The following VPS8 variants were observed in gnomAD, a reference collection of about 807,000 sequenced individuals.
VPS8 encodes vacuolar protein sorting-associated protein 8 homolog.
In VPS8, 129 loss-of-function variants were observed where a neutral mutation model predicts 216.4. That is an observed-to-expected ratio of 0.60 (90% CI 0.52 to 0.69). The LOEUF (loss-of-function observed/expected upper bound fraction) is 0.69, where lower values mean the gene tolerates loss of function less well. Among genes scored for constraint, VPS8 ranks in the 30% least tolerant of loss-of-function variants. VPS8 has a pLI of 0.00. For missense variants in VPS8, 1,531 were observed against 1,683.5 expected (o/e 0.91, Z 1.59); for synonymous variants, 571 against 565.4 (o/e 1.01, Z -0.14).
intron 10 of VPS8, among the ~76,000 whole-genome samples, chr3:184,852,236 A>G (rs1724425089): frequency 6.6e-6 from 1 of 152,128 alleles, no homozygotes. Context: ...TTTTTAATCA[A>G]TCATAGTTTG....
chr3:184,865,815 C>G (rs147942442), intron 16 of VPS8, among the ~76,000 whole-genome samples: 8 of 152,132 alleles, frequency 5.3e-5, no homozygotes, highest in South Asian at 4.2e-4. Flanking sequence ...TAGTGAAACC[C>G]TGTTTCTACT....
At chr3:184,859,709 T>C (rs1725917466) in intron 14 of VPS8, among the ~76,000 whole-genome samples, 2 of 152,238 alleles carry the variant, frequency 1.3e-5, no homozygotes, top group African/African-American at 4.8e-5. Flanking sequence ...AGTTAGGTTG[T>C]TCTGAATTAT....
intron 25 of VPS8, among the ~76,000 whole-genome samples, chr3:184,906,665 T>G (rs1735555183): frequency 6.6e-6 from 1 of 152,060 alleles, no homozygotes; most frequent in Non-Finnish European, 1.5e-5. Flanking sequence ...TCGTAAATGA[T>G]TATTAGGGGA....
intron 46 of VPS8, among the ~76,000 whole-genome samples, chr3:185,043,366 A>G (rs1712124980): frequency 1.3e-5 from 2 of 152,252 alleles, no homozygotes; most frequent in South Asian, 4.1e-4. Flanking sequence ...CTAATGGACA[A>G]CAGGAAATGA....
intron 36 of VPS8, among the ~76,000 whole-genome samples, chr3:184,949,878 TTTGTTG>T (rs71162269): frequency 6.6e-6 from 1 of 150,534 alleles, no homozygotes; most frequent in African/African-American, 2.4e-5. Flanking sequence ...AATAGGGGTT[TTTGTTG>T]TTGTTGTTGT....
intron 36 of VPS8, 56 bp downstream of exon 36, chr3:184,940,299 A>G: frequency 2.7e-6 from 2 of 739,466 alleles, no homozygotes; most frequent in Non-Finnish European, 3.7e-6. Flanking sequence ...TGAGAAATAA[A>G]AGGAAATAAA....
In VPS8 at chr3:184,855,886, G is replaced by A. The variant is rs1362983228; in HGVS notation, c.1143+68G>A. The A allele has an allele frequency of 5.5e-6, 7 of 1,268,044 alleles. No individual in the cohort carries two copies. In the Admixed American group the frequency reaches 8.7e-5, roughly 16 times the overall value. The allele number at this position is 1,268,044 out of a possible 1,614,324, so 78.5% of individuals were successfully genotyped here. A position where few individuals can be genotyped will look rare whatever the true frequency, so the allele number is the denominator to read the frequency against. On this transcript the variant is annotated intron_variant, in intron 14 of 47. Coordinates refer to ENST00000625842, the MANE Select transcript of VPS8 (RefSeq NM_001009921.3). ...TTTATTCATCAGCAATTAATAATGTGTCAGAGAAATTTGTGTTACTATCCT... is the reference window on the plus strand; with the variant it reads ...TTTATTCATCAGCAATTAATAATGTATCAGAGAAATTTGTGTTACTATCCT...
intron 45 of VPS8, among the ~76,000 whole-genome samples, chr3:185,010,388 C>T (rs1754846507): frequency 1.3e-5 from 2 of 151,920 alleles, no homozygotes; most frequent in Admixed American, 1.3e-4. Context: ...AAATACAAGC[C>T]ATGATAATGA....
chr3:184,909,638 A>G (rs1441696922), intron 25 of VPS8, among the ~76,000 whole-genome samples: 2 of 152,112 alleles, frequency 1.3e-5, no homozygotes, highest in East Asian at 3.9e-4. Context: ...GCAACTCTTC[A>G]TTTATCTGTT....
intron 32 of VPS8, 38 bp from the exon 33 acceptor site, chr3:184,929,542 C>G: frequency 8.0e-7 from 1 of 1,245,176 alleles, no homozygotes; most frequent in Non-Finnish European, 1.1e-6. Context: ...AAAAACCTCC[C>G]TGTTTGGTAC....
chr3:185,028,134 C>G (rs1049885160), intron 46 of VPS8, among the ~76,000 whole-genome samples: 1 of 152,108 alleles, frequency 6.6e-6, no homozygotes, highest in African/African-American at 2.4e-5. Context: ...TAGCTGGACT[C>G]TCCTGAAATA....
chr3:184,854,296 C>A, intron 13 of VPS8, 123 bp downstream of exon 13: 3 of 1,087,150 alleles, frequency 2.8e-6, no homozygotes, highest in Non-Finnish European at 4.1e-6. Context: ...AAAGTCAGTG[C>A]TCCAGAGATC....
intron 45 of VPS8, among the ~76,000 whole-genome samples, chr3:185,014,328 C>G (rs1488618818): frequency 1.3e-5 from 2 of 152,070 alleles, no homozygotes; most frequent in Non-Finnish European, 2.9e-5. Context: ...CAGTTGGGGT[C>G]CTCCTCAGCA....
At chr3:184,863,431 A>T (rs1726745123) in intron 16 of VPS8, among the ~76,000 whole-genome samples, 1 of 152,220 alleles carries the variant, frequency 6.6e-6, no homozygotes, top group Non-Finnish European at 1.5e-5. Flanking sequence ...GATTTAAGGG[A>T]TAAATAACTA....
intron 34 of VPS8, among the ~76,000 whole-genome samples, chr3:184,934,481 TTA>T (rs1282605103): frequency 2.6e-5 from 4 of 152,206 alleles, no homozygotes; most frequent in African/African-American, 9.6e-5. Context: ...CCATCCTTTG[TTA>T]TACTTACTGT....
At chr3:184,940,081 T>C in intron 35 of VPS8, 116 bp from the exon 36 acceptor site, 1 of 368,426 alleles carries the variant, frequency 2.7e-6, no homozygotes, top group Non-Finnish European at 4.8e-6. Flanking sequence ...GAGGGCTTTG[T>C]GGAAATACTC....
At chr3:184,942,469 C>G (rs1393107448) in intron 36 of VPS8, among the ~76,000 whole-genome samples, 2 of 152,160 alleles carry the variant, frequency 1.3e-5, no homozygotes, top group Non-Finnish European at 2.9e-5. Flanking sequence ...CCTTCCTCTC[C>G]CCTTCCCCAA....
chr3:185,027,000 C>T (rs1379886746), intron 46 of VPS8, among the ~76,000 whole-genome samples: 2 of 151,970 alleles, frequency 1.3e-5, no homozygotes, highest in African/African-American at 2.4e-5. Flanking sequence ...TGAGCCACCA[C>T]GCCCAGCCAG....
chr3:185,041,495 C>T (rs367600552), intron 46 of VPS8, among the ~76,000 whole-genome samples: 21 of 152,244 alleles, frequency 1.4e-4, no homozygotes, highest in African/African-American at 4.6e-4. Context: ...AGTTGCCTCA[C>T]GGCTACCGTC....
Sources: allele counts gnomAD v4.1 joint callset (sites outside exome capture counted in the v4.1 genomes callset), GRCh38; gene constraint gnomAD v4.1.1; transcripts MANE v1.5; gene names NCBI Gene and HGNC (gene_info 2026-07-23, HGNC 2026-07-21).